CSMD1: variants seen among roughly 807,000 people sequenced by gnomAD.
CSMD1 encodes the protein CUB and Sushi multiple domains 1, also known as CUB and sushi domain-containing protein 1.
CSMD1 carries 213 observed loss-of-function variants against 417.5 expected under a neutral mutation model. The observed-to-expected ratio is 0.51, with a 90% CI of 0.46 to 0.57. The LOEUF (loss-of-function observed/expected upper bound fraction) is 0.57. Ranked by LOEUF, CSMD1 falls within the 20% of genes least tolerant of loss-of-function variation. CSMD1 has a pLI of 0.00. For missense variants in CSMD1, 6,923 were observed against 4,529.7 expected (o/e 1.53, Z -15.17); for synonymous variants, 2,862 against 1,736.8 (o/e 1.65, Z -16.11).
At chr8:4,127,065 T>A (rs530584263) in intron 3 of CSMD1, among the ~76,000 whole-genome samples, 1 of 141,510 alleles carries the variant, frequency 7.1e-6, no homozygotes, top group South Asian at 2.3e-4. Context: ...TAGCCAAAAA[T>A]CAGTCAATCT....
intron 2 of CSMD1, among the ~76,000 whole-genome samples, chr8:4,539,755 G>C (rs949286069): frequency 1.3e-5 from 2 of 152,166 alleles, no homozygotes; most frequent in Non-Finnish European, 2.9e-5. Context: ...TTTATCTTTA[G>C]TCACTTAGAA....
At chr8:4,311,467 A>T (rs1398442940) in intron 3 of CSMD1, among the ~76,000 whole-genome samples, 1 of 152,146 alleles carries the variant, frequency 6.6e-6, no homozygotes, top group African/African-American at 2.4e-5. Context: ...TCACAGCTGT[A>T]ATCCCAGCAT....
At chr8:3,898,079 A>ATATATTAC (rs1807487396) in intron 5 of CSMD1, among the ~76,000 whole-genome samples, 1 of 152,204 alleles carries the variant, frequency 6.6e-6, no homozygotes, top group African/African-American at 2.4e-5. Context: ...ATGGAGGGAA[A>ATATATTAC]TATATTACAA....
In CSMD1 at chr8:4,230,845, G is replaced by A. The variant is rs369574331; in HGVS notation, c.415+189108C>T. On this transcript the variant is annotated intron_variant, in intron 3 of 69. Transcript: ENST00000635120. The stretch of plus-strand genomic sequence containing the variant: ...GTCACAATGTATTTTTTGTGGTTAG[G>A]AACAATCGATTATAGATTCTTTAAC... 3.3e-4 allele frequency among the ~76,000 whole-genome samples: 50 copies of A among 152,024 alleles called. No homozygotes were observed. In the South Asian group the frequency reaches 3.5e-3, roughly 11 times the overall value.
At chr8:3,831,212 T>C (rs997534186) in intron 5 of CSMD1, among the ~76,000 whole-genome samples, 4 of 152,140 alleles carry the variant, frequency 2.6e-5, no homozygotes, top group African/African-American at 9.7e-5. Flanking sequence ...CACAAAAGCA[T>C]GTGGAAAGTT....
At chr8:3,837,659 A>T (rs932504961) in intron 5 of CSMD1, among the ~76,000 whole-genome samples, 2 of 152,166 alleles carry the variant, frequency 1.3e-5, no homozygotes, top group Non-Finnish European at 2.9e-5. Flanking sequence ...ATCCCATCCT[A>T]CATAGGCACA....
At chr8:4,209,775 C>A (rs763799918) in intron 3 of CSMD1, among the ~76,000 whole-genome samples, 2 of 152,042 alleles carry the variant, frequency 1.3e-5, no homozygotes, top group Non-Finnish European at 2.9e-5. Context: ...AGGCCATGTG[C>A]CCAGAGTGGC....
intron 3 of CSMD1, among the ~76,000 whole-genome samples, chr8:4,084,825 C>T (rs1425766785): frequency 6.7e-6 from 1 of 148,348 alleles, no homozygotes; most frequent in East Asian, 2.0e-4. Flanking sequence ...TGCCTCAAGA[C>T]AGCTCTGTTC....
chr8:3,516,808 C>A (rs1213695777), intron 10 of CSMD1, among the ~76,000 whole-genome samples: 2 of 152,130 alleles, frequency 1.3e-5, no homozygotes, highest in Non-Finnish European at 2.9e-5. Flanking sequence ...TTTGGCCCAA[C>A]AATCCCATCG....
At chr8:4,009,795 G>A (rs998714560) in intron 4 of CSMD1, among the ~76,000 whole-genome samples, 1 of 152,048 alleles carries the variant, frequency 6.6e-6, no homozygotes, top group African/African-American at 2.4e-5. Flanking sequence ...GACCATTCCT[G>A]CTCCATCCCC....
chr8:3,752,472 T>C (rs60481351), intron 6 of CSMD1, among the ~76,000 whole-genome samples: 1 of 151,836 alleles, frequency 6.6e-6, no homozygotes, highest in Non-Finnish European at 1.5e-5. Context: ...CTGGCCAACA[T>C]GGCGAAACCC....
chr8:4,016,479 G>A (rs2554602), intron 4 of CSMD1, among the ~76,000 whole-genome samples: 30,746 of 152,030 alleles, frequency 0.2, 3,909 homozygotes, highest in Non-Finnish European at 0.26. Flanking sequence ...GCCCAAGAAT[G>A]CAAGCTTCCT....
At chr8:3,496,712 G>A (rs28541635) in intron 10 of CSMD1, among the ~76,000 whole-genome samples, 20,938 of 152,008 alleles carry the variant, frequency 0.14, 1,783 homozygotes, top group Admixed American at 0.18. Context: ...TATAGCCCCA[G>A]CTACTCGGGA....
intron 23 of CSMD1, among the ~76,000 whole-genome samples, chr8:3,316,602 G>A (rs1377584892): frequency 2.6e-5 from 4 of 152,156 alleles, no homozygotes; most frequent in Non-Finnish European, 2.9e-5. Flanking sequence ...CAGTCCAGGT[G>A]GAAAAGGCTT....
chr8:3,056,108 T>C (rs1456063290), intron 49 of CSMD1, among the ~76,000 whole-genome samples: 1 of 152,242 alleles, frequency 6.6e-6, no homozygotes. Flanking sequence ...ATAAAAATAT[T>C]AGTTGCAAGG....
chr8:4,216,937 A>T (rs1452541610), intron 3 of CSMD1, among the ~76,000 whole-genome samples: 2 of 152,154 alleles, frequency 1.3e-5, no homozygotes, highest in African/African-American at 4.8e-5. Context: ...CAACAGCTCC[A>T]ACAAACCTTT....
intron 49 of CSMD1, among the ~76,000 whole-genome samples, chr8:3,071,708 C>T (rs1173452475): frequency 1.3e-5 from 2 of 152,162 alleles, no homozygotes; most frequent in East Asian, 3.9e-4. Flanking sequence ...AACTACCATT[C>T]ATCAACACCA....
chr8:4,108,964 G>T (rs1044679019), intron 3 of CSMD1, among the ~76,000 whole-genome samples: 1 of 152,144 alleles, frequency 6.6e-6, no homozygotes, highest in African/African-American at 2.4e-5. Context: ...GTATAATTTA[G>T]AAACTACAGT....
chr8:3,441,518 C>G (rs907984936), intron 12 of CSMD1, among the ~76,000 whole-genome samples: 1 of 130,148 alleles, frequency 7.7e-6, no homozygotes, highest in Non-Finnish European at 1.7e-5. Context: ...TATACACACA[C>G]ACACACAAAA....
Sources: allele counts gnomAD v4.1 joint callset (sites outside exome capture counted in the v4.1 genomes callset), GRCh38; gene constraint gnomAD v4.1.1; transcripts MANE v1.5; gene names NCBI Gene and HGNC (gene_info 2026-07-23, HGNC 2026-07-21).